SVIL: variants seen among roughly 807,000 people sequenced by gnomAD.
The protein encoded by SVIL is archvillin.
A neutral mutation model predicts 240.4 loss-of-function variants in SVIL; 101 were observed. That is an observed-to-expected ratio of 0.42 (90% confidence interval 0.36 to 0.50). SVIL has a LOEUF of 0.50. Ranked by LOEUF, SVIL falls within the 20% of genes least tolerant of loss-of-function variation. The pLI is 0.01. For missense variants in SVIL, 2,512 were observed against 2,818.7 expected, an observed-to-expected ratio of 0.89 and a Z score of 2.46; for synonymous variants, 999 against 1,100.0, an observed-to-expected ratio of 0.91 and a Z score of 1.82.
chr10:29,648,164 A>T (rs1296329208), intron 3 of SVIL, among the ~76,000 whole-genome samples: 1 of 152,120 alleles, frequency 6.6e-6, no homozygotes, highest in South Asian at 2.1e-4. Context: ...CCCACATCTC[A>T]CAGGCATCTA....
intron 6 of SVIL, among the ~76,000 whole-genome samples, chr10:29,544,780 G>C (rs982481328): frequency 1.7e-5 from 2 of 116,958 alleles, no homozygotes; most frequent in South Asian, 2.9e-4. Context: ...AAAAAAAAAA[G>C]AATAAGAATT....
intron 35 of SVIL, among the ~76,000 whole-genome samples, chr10:29,463,287 G>C (rs1353557623): frequency 6.6e-6 from 1 of 152,232 alleles, no homozygotes; most frequent in African/African-American, 2.4e-5. Flanking sequence ...TCTTCTTCAT[G>C]CTGGCAGCTG....
chr10:29,513,344 G>A (rs1199586810), intron 16 of SVIL, among the ~76,000 whole-genome samples: 1 of 152,222 alleles, frequency 6.6e-6, no homozygotes, highest in Non-Finnish European at 1.5e-5. Flanking sequence ...GCTGAGGCAG[G>A]TGGATCACGA....
At chr10:29,516,104 C>T (rs61849305) in intron 16 of SVIL, among the ~76,000 whole-genome samples, 21,779 of 151,954 alleles carry the variant, frequency 0.14, 2,142 homozygotes, top group African/African-American at 0.29. Flanking sequence ...ATTAGCTGAC[C>T]GGACACATTT....
chr10:29,639,609 C>T (rs535740458), upstream of SVIL, among the ~76,000 whole-genome samples: 6 of 151,920 alleles, frequency 3.9e-5, no homozygotes, highest in African/African-American at 1.4e-4. Flanking sequence ...GCTGGGATCA[C>T]AGGCAGATGC....
intron 17 of SVIL, among the ~76,000 whole-genome samples, chr10:29,505,535 G>A (rs1000138657): frequency 2.0e-5 from 3 of 152,036 alleles, no homozygotes; most frequent in Admixed American, 1.3e-4. Context: ...TGAGAGTGAT[G>A]AGCAGGCAGA....
At chr10:29,537,536 C>A (rs1192496754) in intron 6 of SVIL, among the ~76,000 whole-genome samples, 3 of 152,182 alleles carry the variant, frequency 2.0e-5, no homozygotes, top group Non-Finnish European at 4.4e-5. Flanking sequence ...GCCCTGTCTC[C>A]TCTTACAATG....
intron 35 of SVIL, 75 bp downstream of exon 35, chr10:29,463,417 G>A: frequency 1.3e-6 from 2 of 1,518,780 alleles, no homozygotes; most frequent in East Asian, 4.7e-5. Context: ...AAGGGGAAGG[G>A]GGTCTCCTGG....
chr10:29,490,932 C>T lies in SVIL; in HGVS notation c.4107G>A (p.Ala1369=), dbSNP rs1399489414. 6 of 1,613,952 alleles carry T rather than the reference C, an allele frequency of 3.7e-6. No homozygotes were observed. The highest frequency in any genetic ancestry group is 1.1e-5 in the South Asian group (1 of 91,068). Residue 1369 remains alanine (A), a synonymous_variant, in exon 22 of 38, where the codon GCG becomes GCA. Transcript: ENST00000355867. ...QASKNPLKML[A]AREDLLQEYT... The stretch of plus-strand genomic sequence containing the variant: ...ATTCCTGAAGGAGATCTTCTCTTGC[C>T]GCCAGCATTTTCAGGGGGTTTTTGG...
At chr10:29,469,438 C>G (rs1315853534) in intron 32 of SVIL, among the ~76,000 whole-genome samples, 1 of 152,156 alleles carries the variant, frequency 6.6e-6, no homozygotes, top group Non-Finnish European at 1.5e-5. Context: ...GACATGTGAC[C>G]CTAGGAAGCT....
rs561630730 is a variant in SVIL at position 29,544,494 on chromosome 10, C to T, written c.827+6103G>A. Among the ~76,000 whole-genome samples, 9 of 152,226 alleles carry T rather than the reference C, an allele frequency of 5.9e-5. No homozygotes were observed. The South Asian group carries it at 1.9e-3, about 32-fold the overall frequency. On this transcript the variant is annotated intron_variant, in intron 6 of 37. Transcript: ENST00000355867. ...AGTCTGCCAGGCCCGGTGGCTCACA[C>T]GTGTAGTCCCAGCACTTTGGGAGGC...
intron 1 of SVIL, among the ~76,000 whole-genome samples, chr10:29,715,282 T>G (rs1424738660): frequency 6.6e-6 from 1 of 152,180 alleles, no homozygotes; most frequent in Non-Finnish European, 1.5e-5. Flanking sequence ...ACCCATTCCA[T>G]TTTCTTCATA....
At chr10:29,501,236 C>T (rs35867952) in intron 17 of SVIL, among the ~76,000 whole-genome samples, 70,648 of 149,654 alleles carry the variant, frequency 0.47, 17,147 homozygotes, top group Admixed American at 0.55. Flanking sequence ...TTGGAGGAAA[C>T]TGACAATTTT....
intron 3 of SVIL, 110 bp from the exon 4 acceptor site, chr10:29,555,218 A>C: frequency 9.1e-7 from 1 of 1,103,278 alleles, no homozygotes; most frequent in Non-Finnish European, 1.3e-6. Context: ...CTTGATTCCT[A>C]TGTCACAGTG....
In SVIL at chr10:29,496,508, G is replaced by T; in HGVS notation, c.3665-1327C>A. ...TGAAGGCTGGTTTCCAAAGCAACCG[G>T]AGAAATCCATCCGTGTCCTGGCCGG... On this transcript the variant is annotated intron_variant, in intron 18 of 37. Transcript: ENST00000355867. 9.2e-6 allele frequency: 4 copies of T among 434,338 alleles called. 1 individual carries two copies. The highest frequency in any genetic ancestry group is 6.6e-5 in the South Asian group (4 of 60,384). 26.9% of individuals were successfully genotyped at this position (434,338 alleles called of 1,614,324 possible).
intron 21 of SVIL, among the ~76,000 whole-genome samples, 195 bp downstream of exon 21, chr10:29,493,019 C>A (rs1948112036): frequency 6.6e-6 from 1 of 152,112 alleles, no homozygotes; most frequent in Non-Finnish European, 1.5e-5. Flanking sequence ...CTGCCGTCTG[C>A]ATGTTTTATC....
intron 3 of SVIL, among the ~76,000 whole-genome samples, chr10:29,559,080 T>C (rs1301147868): frequency 6.6e-6 from 1 of 151,726 alleles, no homozygotes; most frequent in Non-Finnish European, 1.5e-5. Context: ...ACATCATGCA[T>C]GAAAGTCACC....
chr10:29,711,197 C>A (rs186758622), intron 1 of SVIL, among the ~76,000 whole-genome samples: 1 of 151,910 alleles, frequency 6.6e-6, no homozygotes, highest in South Asian at 2.1e-4. Flanking sequence ...GTCAGGAGTT[C>A]GAGACAAGCC....
chr10:29,676,901 TGGTAAC>T (rs1305734666), intron 2 of SVIL, among the ~76,000 whole-genome samples: 1 of 152,176 alleles, frequency 6.6e-6, no homozygotes, highest in Non-Finnish European at 1.5e-5. Context: ...GATTTAGCCT[TGGTAAC>T]AACAGAGTTC....
Sources: gnomAD v4.1 joint callset for allele counts (sites outside exome capture counted in the v4.1 genomes callset) on GRCh38, gnomAD v4.1.1 for gene constraint, MANE v1.5 for transcripts, NCBI Gene and HGNC (gene_info 2026-07-23, HGNC 2026-07-21) for gene names.